STMN2: variants seen among roughly 807,000 people sequenced by gnomAD.
STMN2 encodes stathmin-2.
Under a neutral mutation model 24.1 loss-of-function variants are expected in STMN2, and 2 were observed. The observed-to-expected ratio is 0.08, with a 90% CI of 0.03 to 0.26. The LOEUF (loss-of-function observed/expected upper bound fraction) is 0.26. Among genes scored for constraint, STMN2 ranks in the 10% least tolerant of loss-of-function variants. The pLI, the probability that STMN2 is intolerant of heterozygous loss-of-function variation, is 1.00. For missense variants in STMN2, 114 were observed against 213.6 expected (o/e 0.53, Z 2.91); for synonymous variants, 83 against 77.5 (o/e 1.07, Z -0.37).
rs546620161 is a variant in STMN2, at chr8:79,617,652, G to A, written c.19+6438G>A. On this transcript the variant is annotated intron_variant, in intron 1 of 4. Transcript: ENST00000220876. Reference sequence around the variant, plus strand: ...TTTTAAATGTTTAATTCTGGCAGTCGGGCAGGGCTCTCTGTATAACCTCAT... The same window carrying A: ...TTTTAAATGTTTAATTCTGGCAGTCAGGCAGGGCTCTCTGTATAACCTCAT... 9.2e-5 allele frequency among the ~76,000 whole-genome samples: 14 copies of A among 152,282 alleles called. No homozygotes were observed. The South Asian group carries it at 2.5e-3, about 27-fold the overall frequency.
intron 1 of STMN2, among the ~76,000 whole-genome samples, chr8:79,619,889 T>G (rs1490036999): frequency 6.6e-6 from 1 of 152,028 alleles, no homozygotes; most frequent in Middle Eastern, 3.2e-3. Context: ...ATATTTCTGA[T>G]GATTTTTTTC....
At chr8:79,649,109 CT>C (rs1810280396) in intron 3 of STMN2, among the ~76,000 whole-genome samples, 1 of 152,174 alleles carries the variant, frequency 6.6e-6, no homozygotes, top group Admixed American at 6.5e-5. Flanking sequence ...ATAGACTTAC[CT>C]TTTCCATTTG....
At chr8:79,644,859 T>C (rs1303453065) in intron 3 of STMN2, among the ~76,000 whole-genome samples, 2 of 152,144 alleles carry the variant, frequency 1.3e-5, no homozygotes, top group African/African-American at 4.8e-5. Context: ...GTCCAAGGAA[T>C]ATAACGTGAG....
intron 1 of STMN2, among the ~76,000 whole-genome samples, chr8:79,622,482 A>T (rs1418239884): frequency 6.6e-6 from 1 of 152,188 alleles, no homozygotes; most frequent in Non-Finnish European, 1.5e-5. Flanking sequence ...GTAGAGGGAG[A>T]GTTGGTATCA....
chr8:79,657,372 A>G (rs559939367), intron 4 of STMN2, among the ~76,000 whole-genome samples: 59 of 152,074 alleles, frequency 3.9e-4, no homozygotes, highest in Non-Finnish European at 6.3e-4. Context: ...TCCCCCATAC[A>G]TGCATACATG....
chr8:79,629,160 C>G (rs1809737185), intron 1 of STMN2, among the ~76,000 whole-genome samples: 1 of 152,186 alleles, frequency 6.6e-6, no homozygotes, highest in Non-Finnish European at 1.5e-5. Context: ...ACACTCACCT[C>G]ACAGGCTCTG....
intron 2 of STMN2, among the ~76,000 whole-genome samples, chr8:79,637,213 G>C (rs184731368): frequency 6.6e-6 from 1 of 152,092 alleles, no homozygotes; most frequent in Non-Finnish European, 1.5e-5. Flanking sequence ...AGCCATAATT[G>C]GAGTAGATCA....
intron 3 of STMN2, among the ~76,000 whole-genome samples, chr8:79,654,511 C>T (rs1158619509): frequency 1.3e-5 from 2 of 152,136 alleles, no homozygotes; most frequent in Admixed American, 1.3e-4. Context: ...AACTGTTTTC[C>T]TCAGGCTTTG....
chr8:79,612,060 G>A (rs1267971733), intron 1 of STMN2, among the ~76,000 whole-genome samples: 1 of 142,748 alleles, frequency 7.0e-6, no homozygotes, highest in African/African-American at 2.6e-5. Flanking sequence ...GTGCGGAACC[G>A]CGCAGCCCCG....
rs758329531 is a variant in STMN2 at position 79,636,904 on chromosome 8, A to G, written c.115+7A>G. 6.8e-6 allele frequency: 11 copies of G among 1,612,528 alleles called. No individual in the cohort carries two copies. Among genetic ancestry groups the G allele is most frequent in the Middle Eastern group, 1.6e-4 (1 of 6,078 alleles). On this transcript the variant is annotated splice_region_variant and intron_variant, in intron 2 of 4. Coordinates refer to ENST00000220876, the MANE Select transcript of STMN2 (RefSeq NM_007029.4). ...AACATCTATACTTACGATGGTGAGTAACCTAGGATAGACATACCCCTGCTA... is the reference window on the plus strand; with the variant it reads ...AACATCTATACTTACGATGGTGAGTGACCTAGGATAGACATACCCCTGCTA...
At chr8:79,658,764 G>T (rs1806435108) in intron 4 of STMN2, among the ~76,000 whole-genome samples, 1 of 152,158 alleles carries the variant, frequency 6.6e-6, no homozygotes, top group African/African-American at 2.4e-5. Flanking sequence ...GCCCATAATG[G>T]TATCTTCAAT....
Position 79,650,361 on chromosome 8 carries a change from C to A in STMN2, c.289-4510C>A, listed in dbSNP as rs745660817. ...CAGTCAAGATATAAAGTAAGAATAC[C>A]TATTTGAACATGTAGTGAGAACTTT... On this transcript the variant is annotated intron_variant, in intron 3 of 4. Coordinates refer to ENST00000220876, the MANE Select transcript of STMN2 (RefSeq NM_007029.4). Among the ~76,000 whole-genome samples, 28 of 152,128 alleles carry A rather than the reference C, an allele frequency of 1.8e-4. 1 individual carries two copies. Among genetic ancestry groups the A allele is most frequent in the South Asian group, 8.3e-4 (4 of 4,826 alleles).
At chr8:79,632,285 G>A (rs528270829) in intron 1 of STMN2, among the ~76,000 whole-genome samples, 10 of 152,216 alleles carry the variant, frequency 6.6e-5, no homozygotes, top group East Asian at 5.8e-4. Flanking sequence ...TGTGCAAATC[G>A]AATTGCTGTA....
intron 3 of STMN2, among the ~76,000 whole-genome samples, chr8:79,649,160 C>T (rs989768801): frequency 6.6e-6 from 1 of 152,100 alleles, no homozygotes; most frequent in Non-Finnish European, 1.5e-5. Flanking sequence ...AAATGGAATC[C>T]AGGGAAAGAG....
chr8:79,620,383 A>G (rs556615573), intron 1 of STMN2, among the ~76,000 whole-genome samples: 20 of 152,156 alleles, frequency 1.3e-4, no homozygotes, highest in Middle Eastern at 3.4e-3. Flanking sequence ...TACACGAGGC[A>G]TATTTGTCTT....
At chr8:79,613,485 G>T in intron 1 of STMN2, 2 of 985,506 alleles carry the variant, frequency 2.0e-6, no homozygotes, top group Non-Finnish European at 2.4e-6. Context: ...TCACTCGCAC[G>T]TCCAGAAAGG....
In STMN2 at chr8:79,613,397, C is replaced by A. The variant is rs1334513278; in HGVS notation, c.19+2183C>A. The A allele has an allele frequency of 3.0e-6, 3 of 985,322 alleles. No homozygotes were observed. In the African/African-American group the frequency reaches 5.2e-5, roughly 17 times the overall value. 61.0% of individuals were successfully genotyped at this position (985,322 alleles called of 1,614,324 possible). A position where few individuals can be genotyped will look rare whatever the true frequency, so the allele number is the denominator to read the frequency against. On this transcript the variant is annotated intron_variant, in intron 1 of 4. Coordinates refer to ENST00000220876, the MANE Select transcript of STMN2 (RefSeq NM_007029.4). Reference sequence around the variant, plus strand: ...GCGCTCCCCTCCCCGGAGTTGGGCGCTCGCCCCCGCGGTGCAGCCGGGGAG... The same window carrying A: ...GCGCTCCCCTCCCCGGAGTTGGGCGATCGCCCCCGCGGTGCAGCCGGGGAG...
intron 4 of STMN2, among the ~76,000 whole-genome samples, chr8:79,662,766 T>C (rs1806528325): frequency 6.6e-6 from 1 of 152,142 alleles, no homozygotes. Context: ...ATAATACTAA[T>C]TATAATGTTT....
intron 3 of STMN2, 111 bp downstream of exon 3, chr8:79,641,661 C>A (rs1810102418): frequency 1.3e-6 from 1 of 787,950 alleles, no homozygotes; most frequent in Non-Finnish European, 1.9e-6. Flanking sequence ...CACACACACA[C>A]ACACACACAC....
Sources: gnomAD v4.1 joint callset for allele counts (sites outside exome capture counted in the v4.1 genomes callset) on GRCh38, gnomAD v4.1.1 for gene constraint, MANE v1.5 for transcripts, NCBI Gene and HGNC (gene_info 2026-07-23, HGNC 2026-07-21) for gene names.